The following CTDSPL variants were observed in gnomAD, a reference collection of about 807,000 sequenced individuals.
The protein encoded by CTDSPL is CTD small phosphatase-like protein.
A neutral mutation model predicts 30.5 loss-of-function variants in CTDSPL; 8 were observed. The observed-to-expected ratio is 0.26, with a 90% confidence interval of 0.15 to 0.47. CTDSPL has a LOEUF of 0.47. Ranked by LOEUF, CTDSPL falls within the 20% of genes least tolerant of loss-of-function variation. The probability of loss-of-function intolerance (pLI) is 0.99; values close to 1 mark genes in which losing one functional copy is unlikely to be tolerated. For synonymous variants in CTDSPL, 110 were observed against 137.9 expected (o/e 0.80, Z 1.42); for missense variants, 248 against 366.1 (o/e 0.68, Z 2.63).
chr3:37,963,613 G>T (rs755765311), intron 3 of CTDSPL, among the ~76,000 whole-genome samples: 4 of 152,152 alleles, frequency 2.6e-5, no homozygotes, highest in Admixed American at 1.3e-4. Flanking sequence ...CCACAAAGTA[G>T]ACTAAAATAC....
chr3:37,865,232 C>T (rs1344464964), intron 1 of CTDSPL, among the ~76,000 whole-genome samples: 1 of 152,174 alleles, frequency 6.6e-6, no homozygotes, highest in Non-Finnish European at 1.5e-5. Flanking sequence ...TTAACTCAGC[C>T]TACTTTGCAA....
chr3:37,980,958 G>A lies in CTDSPL; in HGVS notation c.*91G>A. ...CCTCAGCTCCCTGGGAGCTGAAAGTGAGGATACTCCGTGCTCCAGGCCACA... is the reference window on the plus strand; with the variant it reads ...CCTCAGCTCCCTGGGAGCTGAAAGTAAGGATACTCCGTGCTCCAGGCCACA... On this transcript the variant is annotated 3_prime_UTR_variant, in exon 8 of 8. Transcript: ENST00000273179. 6.8e-7 allele frequency: 1 copy of A among 1,477,390 alleles called. No homozygotes were observed. The highest frequency in any genetic ancestry group is 9.1e-7 in the Non-Finnish European group (1 of 1,096,986). 91.5% of individuals were successfully genotyped at this position (1,477,390 alleles called of 1,614,324 possible).
intron 1 of CTDSPL, among the ~76,000 whole-genome samples, chr3:37,924,945 C>T (rs1698763386): frequency 6.6e-6 from 1 of 152,136 alleles, no homozygotes; most frequent in South Asian, 2.1e-4. Flanking sequence ...CCTGTTTCTC[C>T]TCAAAGCATT....
At chr3:37,965,374 T>C (rs956921811) in intron 4 of CTDSPL, among the ~76,000 whole-genome samples, 1 of 152,186 alleles carries the variant, frequency 6.6e-6, no homozygotes, top group African/African-American at 2.4e-5. Context: ...GTGGCGACAC[T>C]GTTAAGAAAT....
chr3:37,981,074 A>G lies in CTDSPL; in HGVS notation c.*207A>G. 1 of 427,488 alleles carries G rather than the reference A, an allele frequency of 2.3e-6. No individual in the cohort carries two copies. Among genetic ancestry groups the G allele is most frequent in the Non-Finnish European group, 3.8e-6 (1 of 259,762 alleles). 26.5% of individuals were successfully genotyped at this position (427,488 alleles called of 1,614,324 possible). A position where few individuals can be genotyped will look rare whatever the true frequency, so the allele number is the denominator to read the frequency against. ...CTCTTTTAAGAAATTTCATAAAGGG[A>G]CATGCATTTTACTGGGTTTGCTTTT... On this transcript the variant is annotated 3_prime_UTR_variant, in exon 8 of 8. Coordinates refer to ENST00000273179, the MANE Select transcript of CTDSPL (RefSeq NM_001008392.2).
At chr3:37,887,816 G>A (rs1463683576) in intron 1 of CTDSPL, among the ~76,000 whole-genome samples, 1 of 152,322 alleles carries the variant, frequency 6.6e-6, no homozygotes, top group Middle Eastern at 3.4e-3. Context: ...GCATAGATCC[G>A]AAGAATGACA....
At chr3:37,876,012 G>A (rs1030218867) in intron 1 of CTDSPL, among the ~76,000 whole-genome samples, 3 of 152,124 alleles carry the variant, frequency 2.0e-5, no homozygotes, top group Non-Finnish European at 4.4e-5. Context: ...GGAGGCTGAG[G>A]TGGGAGGATC....
At chr3:37,878,261 T>A (rs936826988) in intron 1 of CTDSPL, among the ~76,000 whole-genome samples, 1 of 152,206 alleles carries the variant, frequency 6.6e-6, no homozygotes, top group Non-Finnish European at 1.5e-5. Context: ...CTGAGAAATC[T>A]TTGTGAACCC....
intron 1 of CTDSPL, among the ~76,000 whole-genome samples, chr3:37,942,555 A>T (rs1698990409): frequency 6.7e-6 from 1 of 150,036 alleles, no homozygotes; most frequent in Admixed American, 6.7e-5. Context: ...AGGTGGGAGG[A>T]TGTCTTGAGC....
At chr3:37,884,108 G>A (rs911935310) in intron 1 of CTDSPL, among the ~76,000 whole-genome samples, 1 of 151,990 alleles carries the variant, frequency 6.6e-6, no homozygotes, top group Admixed American at 6.6e-5. Context: ...CCCTTTTAAG[G>A]AATTTGCCAT....
intron 1 of CTDSPL, among the ~76,000 whole-genome samples, chr3:37,926,537 T>C (rs1329536811): frequency 6.6e-6 from 1 of 152,200 alleles, no homozygotes; most frequent in Non-Finnish European, 1.5e-5. Flanking sequence ...TGTGAACCAG[T>C]TTTTGGTGTC....
intron 2 of CTDSPL, among the ~76,000 whole-genome samples, chr3:37,949,809 C>A (rs916363628): frequency 3.9e-5 from 6 of 152,224 alleles, no homozygotes; most frequent in African/African-American, 1.4e-4. Context: ...CCAGGATAAA[C>A]CCAGGTGGGC....
chr3:37,903,392 C>G (rs1698474787), intron 1 of CTDSPL, among the ~76,000 whole-genome samples: 1 of 152,200 alleles, frequency 6.6e-6, no homozygotes, highest in Non-Finnish European at 1.5e-5. Flanking sequence ...ACAGCTGCTG[C>G]TGCAGCAAAA....
chr3:37,940,925 G>C (rs1479654349), intron 1 of CTDSPL, among the ~76,000 whole-genome samples: 1 of 150,452 alleles, frequency 6.6e-6, no homozygotes, highest in African/African-American at 2.4e-5. Flanking sequence ...CATTTGGAAG[G>C]CTTCCTGTCT....
At chr3:37,941,675 C>T (rs972065781) in intron 1 of CTDSPL, among the ~76,000 whole-genome samples, 2 of 150,220 alleles carry the variant, frequency 1.3e-5, no homozygotes, top group African/African-American at 4.8e-5. Context: ...AGGAATGAGC[C>T]ACCGCATTTG....
Position 37,862,918 on chromosome 3 carries a change from A to T in CTDSPL, c.79+640A>T, listed in dbSNP as rs1306375743. ...CGGATTGAATGTGTTGTATACATCT[A>T]CTGGGAGGGCGTGTGTGTGTGTAAA... is the stretch of plus-strand genomic sequence containing the variant. On this transcript the variant is annotated intron_variant, in intron 1 of 7. Transcript: ENST00000273179. The surrounding 1 kb of genome is among the most constrained non-coding windows in gnomAD (Gnocchi z 4.3). 6.6e-6 allele frequency among the ~76,000 whole-genome samples: 1 copy of T among 152,158 alleles called. No homozygotes were observed.
In CTDSPL at chr3:37,984,144, A is replaced by G. The variant is rs1475638414; in HGVS notation, c.*3277A>G. 1 of 451,448 alleles carries G rather than the reference A, an allele frequency of 2.2e-6. No individual in the cohort carries two copies. Among genetic ancestry groups the G allele is most frequent in the Non-Finnish European group, 4.5e-6 (1 of 222,526 alleles). The allele number at this position is 451,448 out of a possible 1,614,324, so 28.0% of individuals were successfully genotyped here. A position where few individuals can be genotyped will look rare whatever the true frequency, so the allele number is the denominator to read the frequency against. On this transcript the variant is annotated 3_prime_UTR_variant, in exon 8 of 8. Coordinates refer to ENST00000273179, the MANE Select transcript of CTDSPL (RefSeq NM_001008392.2). The stretch of plus-strand genomic sequence containing the variant: ...GGCATGCCAGGGTTCGAGAAGAGTG[A>G]ATGGCTTGACGTACTTGCAGTTAAC...
At chr3:37,880,079 C>T (rs1698185475) in intron 1 of CTDSPL, among the ~76,000 whole-genome samples, 1 of 149,038 alleles carries the variant, frequency 6.7e-6, no homozygotes, top group Non-Finnish European at 1.5e-5. Context: ...GCCATGGAAG[C>T]TATCATGTTT....
chr3:37,922,889 C>T (rs1235034094), intron 1 of CTDSPL, among the ~76,000 whole-genome samples: 2 of 152,216 alleles, frequency 1.3e-5, no homozygotes, highest in African/African-American at 2.4e-5. Context: ...TCAGAGCCCA[C>T]AGGCTTGGCA....
Sources: allele counts gnomAD v4.1 joint callset (sites outside exome capture counted in the v4.1 genomes callset), GRCh38; gene constraint gnomAD v4.1.1; non-coding constraint Gnocchi (gnomAD v3.1); transcripts MANE v1.5; gene names NCBI Gene and HGNC (gene_info 2026-07-23, HGNC 2026-07-21).